DACH2: variants seen among roughly 807,000 people sequenced by gnomAD.
DACH2 encodes the protein dachshund family transcription factor 2.
In DACH2, 17 loss-of-function variants were observed where a neutral mutation model predicts 35.8. The ratio of observed to expected loss-of-function variants is 0.48; its 90% CI spans 0.33 to 0.71. The LOEUF is 0.71. DACH2 is among the 30% of genes least tolerant of loss of function. DACH2 has a pLI of 0.02. For missense variants in DACH2, 469 were observed against 472.7 expected (o/e 0.99, Z 0.07); for synonymous variants, 195 against 177.3 (o/e 1.10, Z -0.79).
At chrX:86,739,340 T>A (rs1255970468) in intron 6 of DACH2, among the ~76,000 whole-genome samples, 1 of 109,284 alleles carries the variant, frequency 9.2e-6, no homozygotes, top group Non-Finnish European at 1.9e-5. Flanking sequence ...CTCTCAAGTC[T>A]TTACATTTGG....
chrX:86,595,152 C>T (rs181971412), intron 3 of DACH2, among the ~76,000 whole-genome samples: 37 of 111,373 alleles, frequency 3.3e-4, no homozygotes, highest in African/African-American at 1.1e-3. Context: ...GGATCTCACT[C>T]TGTTATCCCA....
At chrX:86,458,472 G>T (rs1189558064) in intron 2 of DACH2, among the ~76,000 whole-genome samples, 1 of 111,318 alleles carries the variant, frequency 9.0e-6, no homozygotes, top group Non-Finnish European at 1.9e-5. Context: ...ACTTGTCTTG[G>T]ATGAGGCCTG....
chrX:86,688,722 T>C (rs762201572), intron 4 of DACH2, among the ~76,000 whole-genome samples: 1 of 112,009 alleles, frequency 8.9e-6, no homozygotes, highest in African/African-American at 3.2e-5. Flanking sequence ...ACATGTTGAA[T>C]TGAAGATGCT....
intron 1 of DACH2, among the ~76,000 whole-genome samples, chrX:86,255,596 G>A (rs745733898): frequency 9.8e-6 from 1 of 102,120 alleles, no homozygotes; most frequent in East Asian, 3.1e-4. Flanking sequence ...CAGTGAACTG[G>A]GAGATGACAT....
At chrX:86,293,600 C>T (rs1318206501) in intron 1 of DACH2, among the ~76,000 whole-genome samples, 1 of 110,005 alleles carries the variant, frequency 9.1e-6, no homozygotes, top group African/African-American at 3.3e-5. Context: ...CCTTCAGGAG[C>T]TCTTTTAGGG....
At chrX:86,470,275 G>A (rs905682073) in intron 2 of DACH2, among the ~76,000 whole-genome samples, 1 of 111,592 alleles carries the variant, frequency 9.0e-6, no homozygotes, top group Non-Finnish European at 1.9e-5. Context: ...ACTTTTAATA[G>A]CTATATTTTG....
intron 3 of DACH2, among the ~76,000 whole-genome samples, chrX:86,594,293 G>T (rs2039685248): frequency 9.0e-6 from 1 of 110,835 alleles, no homozygotes; most frequent in Non-Finnish European, 1.9e-5. Context: ...TTTTTTCAGA[G>T]AATCAAGTTT....
intron 4 of DACH2, among the ~76,000 whole-genome samples, chrX:86,673,557 G>A (rs1322266609): frequency 9.0e-6 from 1 of 111,126 alleles, no homozygotes; most frequent in Non-Finnish European, 1.9e-5. Context: ...GGGCAGAAGA[G>A]ACTTGCCTTA....
chrX:86,717,231 C>T (rs1011692488), intron 6 of DACH2, among the ~76,000 whole-genome samples: 1 of 111,230 alleles, frequency 9.0e-6, no homozygotes, highest in Non-Finnish European at 1.9e-5. Flanking sequence ...ATCATGCACC[C>T]TATTCCATCC....
At chrX:86,480,309 C>T (rs993530922) in intron 2 of DACH2, among the ~76,000 whole-genome samples, 1 of 112,147 alleles carries the variant, frequency 8.9e-6, no homozygotes, top group Non-Finnish European at 1.9e-5. Context: ...TCCTCCCTTA[C>T]TTTCTGCCAA....
chrX:86,377,089 G>A (rs113731324), intron 2 of DACH2, among the ~76,000 whole-genome samples: 1,776 of 111,381 alleles, frequency 0.016, 46 homozygotes, highest in African/African-American at 0.054. Flanking sequence ...TCCAGTTGGA[G>A]GTTATAAAGC....
chrX:86,746,880 T>C (rs2041718321), intron 7 of DACH2, among the ~76,000 whole-genome samples: 1 of 111,359 alleles, frequency 9.0e-6, no homozygotes, highest in Admixed American at 9.6e-5. Context: ...TTAATTTTTG[T>C]TGTGTTAGAT....
chrX:86,574,315 G>A (rs765860273), intron 3 of DACH2, among the ~76,000 whole-genome samples: 3 of 110,840 alleles, frequency 2.7e-5, no homozygotes, highest in African/African-American at 6.5e-5. Context: ...AATCTCTCTC[G>A]GTTGACCTAA....
At chrX:86,277,306 T>A (rs2033934397) in intron 1 of DACH2, among the ~76,000 whole-genome samples, 1 of 112,004 alleles carries the variant, frequency 8.9e-6, no homozygotes, top group Admixed American at 9.5e-5. Context: ...ATGACTTTTT[T>A]GATTTCTTTT....
chrX:86,701,875 G>C (rs1044701129), intron 5 of DACH2, among the ~76,000 whole-genome samples: 1 of 111,218 alleles, frequency 9.0e-6, no homozygotes, highest in Non-Finnish European at 1.9e-5. Flanking sequence ...AGGGTGGAGG[G>C]TACAAGGAGG....
intron 3 of DACH2, among the ~76,000 whole-genome samples, chrX:86,637,057 G>T (rs2148394039): frequency 1.0e-5 from 1 of 99,528 alleles, no homozygotes; most frequent in African/African-American, 3.6e-5. Flanking sequence ...GTGGGCAAAG[G>T]ACATGAACAG....
chrX:86,471,352 T>G (rs773003384), intron 2 of DACH2, among the ~76,000 whole-genome samples: 7 of 111,498 alleles, frequency 6.3e-5, no homozygotes, highest in Non-Finnish European at 1.3e-4. Context: ...TATATTGATA[T>G]ATAGCTTGTA....
chrX:86,824,209 C>T (rs751533354), intron 11 of DACH2, among the ~76,000 whole-genome samples: 136 of 110,645 alleles, frequency 1.2e-3, no homozygotes, highest in African/African-American at 4.2e-3. Flanking sequence ...CGTTTATAGA[C>T]CTCCCCCCAG....
At chrX:86,320,821 A>G (rs1431271775) in intron 1 of DACH2, among the ~76,000 whole-genome samples, 1 of 112,149 alleles carries the variant, frequency 8.9e-6, no homozygotes, top group Non-Finnish European at 1.9e-5. Context: ...TCCCAACAGG[A>G]AGACTGAGGG....
Sources: allele counts gnomAD v4.1 joint callset (sites outside exome capture counted in the v4.1 genomes callset), GRCh38; gene constraint gnomAD v4.1.1; transcripts MANE v1.5; gene names NCBI Gene and HGNC (gene_info 2026-07-23, HGNC 2026-07-21).